The following THADA variants were observed in gnomAD, a reference collection of about 807,000 sequenced individuals.
THADA encodes THADA armadillo repeat containing.
A neutral mutation model predicts 219.8 loss-of-function variants in THADA; 213 were observed. The ratio of observed to expected loss-of-function variants is 0.97; its 90% CI spans 0.87 to 1.09. THADA has a LOEUF of 1.09. THADA is among the 50% of genes least tolerant of loss of function. The probability of loss-of-function intolerance (pLI) is 0.00; values close to 1 mark genes in which losing one functional copy is unlikely to be tolerated. For missense variants in THADA, 2,956 were observed against 2,311.3 expected (o/e 1.28, Z -5.72); for synonymous variants, 1,018 against 828.9 (o/e 1.23, Z -3.92).
At chr2:43,416,082 T>C (rs1676934740) in intron 28 of THADA, among the ~76,000 whole-genome samples, 1 of 152,174 alleles carries the variant, frequency 6.6e-6, no homozygotes, top group Non-Finnish European at 1.5e-5. Context: ...AGGTTATAAT[T>C]AGTATTAAGT....
At chr2:43,343,424 G>C (rs535059516) in intron 30 of THADA, 1 of 152,128 alleles carries the variant, frequency 6.6e-6, no homozygotes. Context: ...TACTCTGGTG[G>C]AACTTACAGA....
intron 21 of THADA, among the ~76,000 whole-genome samples, chr2:43,533,571 T>A (rs867610722): frequency 6.6e-5 from 10 of 152,148 alleles, no homozygotes; most frequent in Non-Finnish European, 1.3e-4. Flanking sequence ...AAAAAAAGAA[T>A]GAGTTCATGT....
chr2:43,526,083 A>G (rs1002247434), intron 22 of THADA, among the ~76,000 whole-genome samples: 2 of 152,234 alleles, frequency 1.3e-5, no homozygotes, highest in Non-Finnish European at 2.9e-5. Flanking sequence ...TATCTATTTT[A>G]TTTGATTCAT....
At chr2:43,511,906 G>A (rs1439282267) in intron 22 of THADA, among the ~76,000 whole-genome samples, 1 of 152,182 alleles carries the variant, frequency 6.6e-6, no homozygotes, top group Non-Finnish European at 1.5e-5. Context: ...CCATATATGA[G>A]AGCTGAGGAA....
intron 15 of THADA, among the ~76,000 whole-genome samples, chr2:43,560,803 G>C (rs987180973): frequency 1.3e-5 from 2 of 152,052 alleles, no homozygotes; most frequent in Non-Finnish European, 2.9e-5. Context: ...GATCACCTGA[G>C]GTCAAGAGTT....
chr2:43,571,943 G>A, intron 12 of THADA, 81 bp from the exon 13 acceptor site: 1 of 1,343,608 alleles, frequency 7.4e-7, no homozygotes, highest in Non-Finnish European at 1.0e-6. Flanking sequence ...TACTTACATA[G>A]GCTACAAAAG....
rs1453958983 is a variant in THADA at position 43,286,951 on chromosome 2, G to C, written c.5121C>G (p.Thr1707=). The change falls in exon 35 of 38, where the codon ACC becomes ACG. Residue 1707 remains threonine, a synonymous_variant. Transcript: ENST00000405975. ...ESRLAVVEVL[T]STTPLFLTNP... is the part of the protein sequence containing the mutation. ...TGGTGAGGAAAAGTGGTGTAGTACT[G>C]GTGAGGACTTCAACGACGGCCAGCC... 5 of 1,613,954 alleles carry C rather than the reference G, an allele frequency of 3.1e-6. No individual in the cohort carries two copies. The highest frequency in any genetic ancestry group is 1.7e-5 in the Admixed American group (1 of 60,018).
chr2:43,571,113 A>G (rs576567866), intron 13 of THADA, among the ~76,000 whole-genome samples: 12 of 152,256 alleles, frequency 7.9e-5, no homozygotes, highest in Admixed American at 2.0e-4. Flanking sequence ...AATATTAGTC[A>G]GGCATGGTGG....
intron 20 of THADA, among the ~76,000 whole-genome samples, chr2:43,546,598 T>G (rs868506483): frequency 6.6e-5 from 10 of 152,288 alleles, no homozygotes; most frequent in African/African-American, 1.2e-4. Flanking sequence ...CTCTTCTTGT[T>G]GAATTGATCC....
intron 36 of THADA, among the ~76,000 whole-genome samples, chr2:43,253,571 A>G (rs1263773267): frequency 2.6e-5 from 4 of 152,038 alleles, no homozygotes. Flanking sequence ...TGTGGGTTTC[A>G]TGACAATGGA....
chr2:43,435,266 C>A (rs1447303101), intron 26 of THADA, among the ~76,000 whole-genome samples: 1 of 152,060 alleles, frequency 6.6e-6, no homozygotes, highest in African/African-American at 2.4e-5. Flanking sequence ...ACCAGCCTGA[C>A]CAACATGGAG....
At position 43,401,809 on chromosome 2, in the gene THADA, G is replaced by C. The variant is rs558954516; in HGVS notation, c.4059-3670C>G. ...TGCTCACGGCAGACTGTGATCCAGA[G>C]CTCTCTGGCTACCCAACCTGTAGCT... On this transcript the variant is annotated intron_variant, in intron 28 of 37. Transcript: ENST00000405975. Among the ~76,000 whole-genome samples the C allele has an allele frequency of 2.0e-5, 3 of 152,182 alleles. No homozygotes were observed. The East Asian group carries it at 5.8e-4, about 29-fold the overall frequency.
chr2:43,555,497 T>C (rs1697238349), intron 17 of THADA, among the ~76,000 whole-genome samples: 1 of 152,170 alleles, frequency 6.6e-6, no homozygotes, highest in Admixed American at 6.5e-5. Flanking sequence ...TGAAAGCCTT[T>C]ATGTGAAGCA....
chr2:43,535,311 C>G (rs764465704), intron 21 of THADA, among the ~76,000 whole-genome samples: 3 of 150,568 alleles, frequency 2.0e-5, no homozygotes, highest in Non-Finnish European at 4.4e-5. Context: ...GTTTCCTTTG[C>G]TGTGCAGAAG....
In THADA at chr2:43,405,541, G is replaced by A. The variant is rs1256459449; in HGVS notation, c.4059-7402C>T. The stretch of plus-strand genomic sequence containing the variant: ...ATCAAAGGATCTACCACCACCACCC[G>A]AACTAGTTGCTCCTTTTCCTGCAAT... On this transcript the variant is annotated intron_variant, in intron 28 of 37. Coordinates refer to ENST00000405975, the MANE Select transcript of THADA (RefSeq NM_022065.5). Among the ~76,000 whole-genome samples the A allele has an allele frequency of 3.9e-5, 6 of 152,044 alleles. No homozygotes were observed. In the South Asian group the frequency reaches 8.3e-4, roughly 21 times the overall value.
intron 22 of THADA, among the ~76,000 whole-genome samples, chr2:43,519,933 A>G (rs547577514): frequency 8.5e-5 from 13 of 152,310 alleles, no homozygotes; most frequent in Non-Finnish European, 1.5e-4. Flanking sequence ...GCAAGGAAAG[A>G]TTTCTTTATA....
intron 29 of THADA, among the ~76,000 whole-genome samples, chr2:43,366,516 C>T (rs76796398): frequency 0.011 from 1,669 of 152,096 alleles, 33 homozygotes; most frequent in African/African-American, 0.038. Flanking sequence ...TCAAAAGGAT[C>T]GAGATATGAA....
At chr2:43,394,136 T>A (rs1446813364) in intron 29 of THADA, among the ~76,000 whole-genome samples, 2 of 152,240 alleles carry the variant, frequency 1.3e-5, no homozygotes, top group Non-Finnish European at 2.9e-5. Context: ...TGAGATTTAA[T>A]GTCATTTACC....
intron 21 of THADA, among the ~76,000 whole-genome samples, chr2:43,540,110 A>G (rs1228680772): frequency 6.6e-6 from 1 of 152,236 alleles, no homozygotes; most frequent in African/African-American, 2.4e-5. Context: ...ACATCAGTGA[A>G]GTAATCATTA....
Sources: allele counts gnomAD v4.1 joint callset (sites outside exome capture counted in the v4.1 genomes callset), GRCh38; gene constraint gnomAD v4.1.1; transcripts MANE v1.5; gene names NCBI Gene and HGNC (gene_info 2026-07-23, HGNC 2026-07-21).